Variants in OTUD7A observed in about 807,000 individuals in gnomAD.
OTUD7A encodes OTU domain-containing protein 7A.
OTUD7A carries 12 observed loss-of-function variants against 65.7 expected under a neutral mutation model. That is an observed-to-expected ratio of 0.18 (90% CI 0.12 to 0.30). The LOEUF (loss-of-function observed/expected upper bound fraction) is 0.30. Among genes scored for constraint, OTUD7A ranks in the 10% least tolerant of loss-of-function variants. The pLI, the probability that OTUD7A is intolerant of heterozygous loss-of-function variation, is 1.00. For synonymous variants in OTUD7A, 641 were observed against 586.3 expected (o/e 1.09, Z -1.35); for missense variants, 1,148 against 1,304.8 (o/e 0.88, Z 1.85).
At chr15:31,572,955 GA>G (rs199814834) in intron 3 of OTUD7A, among the ~76,000 whole-genome samples, 3 of 148,902 alleles carry the variant, frequency 2.0e-5, no homozygotes, top group African/African-American at 4.9e-5. Context: ...TAATGGAAAG[GA>G]AAAAAAAAGA....
chr15:31,680,647 C>G (rs1392587456), intron 1 of OTUD7A, among the ~76,000 whole-genome samples: 1 of 152,084 alleles, frequency 6.6e-6, no homozygotes, highest in African/African-American at 2.4e-5. Flanking sequence ...CTCTTTGTCC[C>G]CTGCTCACAT....
At chr15:31,680,639 C>G (rs1366478107) in intron 1 of OTUD7A, among the ~76,000 whole-genome samples, 1 of 152,104 alleles carries the variant, frequency 6.6e-6, no homozygotes, top group Non-Finnish European at 1.5e-5. Flanking sequence ...CTCCCAAACT[C>G]TTTGTCCCCT....
At chr15:31,752,382 T>C (rs1894661663) in intron 1 of OTUD7A, among the ~76,000 whole-genome samples, 1 of 152,218 alleles carries the variant, frequency 6.6e-6, no homozygotes, top group Non-Finnish European at 1.5e-5. Flanking sequence ...GTTTTTCAAA[T>C]AATTGTAGGA....
chr15:31,508,351 G>A (rs939316356), intron 8 of OTUD7A, among the ~76,000 whole-genome samples: 1 of 151,954 alleles, frequency 6.6e-6, no homozygotes, highest in Admixed American at 6.6e-5. Context: ...ATAAGGATGT[G>A]TTTTTGTTTT....
chr15:31,762,403 C>T (rs1894990476), intron 1 of OTUD7A, among the ~76,000 whole-genome samples: 1 of 152,204 alleles, frequency 6.6e-6, no homozygotes, highest in Non-Finnish European at 1.5e-5. Context: ...AGCAGGGACA[C>T]TAAAGCCCTG....
At chr15:31,679,973 T>C (rs1304046834) in intron 1 of OTUD7A, among the ~76,000 whole-genome samples, 3 of 152,188 alleles carry the variant, frequency 2.0e-5, no homozygotes, top group African/African-American at 4.8e-5. Context: ...TATTATATGA[T>C]TGTGTAATTT....
chr15:31,836,183 T>G (rs780279112), intron 1 of OTUD7A, among the ~76,000 whole-genome samples: 3 of 151,906 alleles, frequency 2.0e-5, no homozygotes, highest in Non-Finnish European at 4.4e-5. Context: ...TCGCCTCTGA[T>G]TCAAGACACA....
intron 3 of OTUD7A, among the ~76,000 whole-genome samples, chr15:31,635,517 G>A (rs9972298): frequency 0.036 from 5,515 of 152,256 alleles, 353 homozygotes; most frequent in African/African-American, 0.13. Context: ...AGAGAGCCCC[G>A]ACACTGCCTT....
At chr15:31,610,644 CGGAGTCTCACTCTGTTGCCCAGGCT>C (rs1566942947) in intron 3 of OTUD7A, among the ~76,000 whole-genome samples, 34 of 56,864 alleles carry the variant, frequency 6.0e-4, no homozygotes, top group African/African-American at 4.3e-3. Context: ...TTTTTTGAGA[CGGAGTCTCACTCTGTTGCCCAGGCT>C]GGAATGCAAT....
At chr15:31,678,574 T>A (rs992599544) in intron 1 of OTUD7A, among the ~76,000 whole-genome samples, 1 of 152,238 alleles carries the variant, frequency 6.6e-6, no homozygotes, top group Non-Finnish European at 1.5e-5. Context: ...CGGGCCAATG[T>A]ACAGCTCAGG....
chr15:31,525,222 G>A (rs1381727478), intron 8 of OTUD7A, among the ~76,000 whole-genome samples: 3 of 152,186 alleles, frequency 2.0e-5, no homozygotes, highest in Admixed American at 6.5e-5. Context: ...GGCAGGACTC[G>A]GGAGGCGTGC....
intron 1 of OTUD7A, among the ~76,000 whole-genome samples, chr15:31,860,651 ATGTG>A (rs1163394018): frequency 1.3e-5 from 1 of 79,104 alleles, no homozygotes; most frequent in Non-Finnish European, 2.9e-5. Context: ...ATATGTATGT[ATGTG>A]TGTATATATA....
Position 31,860,677 on chromosome 15 carries a change from G to GTGTGTATATATATATA in OTUD7A, c.-100+9829_-100+9830insTATATATATATACACA, listed in dbSNP as rs560896384. Among the ~76,000 whole-genome samples the GTGTGTATATATATATA allele has an allele frequency of 7.8e-4, 57 of 73,268 alleles. 2 individuals are homozygous for GTGTGTATATATATATA. Among genetic ancestry groups the GTGTGTATATATATATA allele is most frequent in the Non-Finnish European group, 1.2e-3 (45 of 37,800 alleles). 48.1% of individuals were successfully genotyped at this position (73,268 alleles called of 152,430 possible). On this transcript the variant is annotated intron_variant, in intron 1 of 12. Coordinates refer to ENST00000307050, the MANE Select transcript of OTUD7A (RefSeq NM_001382637.1). ...TGTGTGTATATATAGATGTATGTGT[G>GTGTGTATATATATATA]TATATATATATATATATATATATGT...
At chr15:31,527,005 A>G (rs74383263) in intron 7 of OTUD7A, among the ~76,000 whole-genome samples, 176 bp downstream of exon 7, 2,316 of 152,254 alleles carry the variant, frequency 0.015, 60 homozygotes, top group African/African-American at 0.053. Context: ...CTGCTATTTT[A>G]ACAGGCTCCT....
At chr15:31,491,943 TAA>T (rs2041321866) in intron 10 of OTUD7A, among the ~76,000 whole-genome samples, 2 of 151,546 alleles carry the variant, frequency 1.3e-5, no homozygotes, top group Non-Finnish European at 1.5e-5. Context: ...GAAGAAGACA[TAA>T]AGAGTTTTTC....
At chr15:31,648,590 C>T (rs1891745522) in intron 3 of OTUD7A, among the ~76,000 whole-genome samples, 1 of 152,164 alleles carries the variant, frequency 6.6e-6, no homozygotes, top group South Asian at 2.1e-4. Flanking sequence ...GCAGACAAAG[C>T]TTCGTCTCCT....
chr15:31,691,469 C>A (rs1163680301), intron 1 of OTUD7A, among the ~76,000 whole-genome samples: 1 of 152,240 alleles, frequency 6.6e-6, no homozygotes, highest in Non-Finnish European at 1.5e-5. Flanking sequence ...ACAAAGGTGG[C>A]AAGAACACAC....
rs1566879808 is a variant in OTUD7A at position 31,487,286 on chromosome 15, G to C, written c.1287-8C>G. The C allele has an allele frequency of 6.2e-7, 1 of 1,613,782 alleles. No homozygotes were observed. Among genetic ancestry groups the C allele is most frequent in the African/African-American group, 1.3e-5 (1 of 75,048 alleles). On this transcript the variant is annotated splice_polypyrimidine_tract_variant and splice_region_variant and intron_variant, in intron 11 of 12. Transcript: ENST00000307050. This position sits in a 1 kb window ranked among gnomAD's most constrained non-coding sequence, Gnocchi z 6.0. Reference sequence around the variant, plus strand: ...TCTAGCGACAGGATAAGGCTGGCAAGAGAAGAATATCCTATTGAAATGGTC... The same window carrying C: ...TCTAGCGACAGGATAAGGCTGGCAACAGAAGAATATCCTATTGAAATGGTC...
intron 1 of OTUD7A, among the ~76,000 whole-genome samples, chr15:31,836,489 G>GGATAATATT (rs1289082999): frequency 6.6e-6 from 1 of 152,044 alleles, no homozygotes; most frequent in African/African-American, 2.4e-5. Context: ...TCCTTGCTAA[G>GGATAATATT]GATAATATTT....
Sources: gnomAD v4.1 joint callset for allele counts (sites outside exome capture counted in the v4.1 genomes callset) on GRCh38, gnomAD v4.1.1 for gene constraint, Gnocchi (gnomAD v3.1) non-coding constraint, MANE v1.5 for transcripts, NCBI Gene and HGNC (gene_info 2026-07-23, HGNC 2026-07-21) for gene names.